Variants in FRY observed in about 807,000 individuals in gnomAD.
FRY encodes FRY microtubule binding protein, also known as protein furry homolog.
In FRY, 128 loss-of-function variants were observed where a neutral mutation model predicts 348.4. That is an observed-to-expected ratio of 0.37 (90% CI 0.32 to 0.43). The LOEUF (loss-of-function observed/expected upper bound fraction) is 0.43, where lower values mean the gene tolerates loss of function less well. Ranked by LOEUF, FRY falls within the 20% of genes least tolerant of loss-of-function variation. The pLI, the probability that FRY is intolerant of heterozygous loss-of-function variation, is 1.00. For synonymous variants in FRY, 1,370 were observed against 1,374.7 expected, an observed-to-expected ratio of 1.00 and a Z score of 0.08; for missense variants, 2,736 against 3,695.2, an observed-to-expected ratio of 0.74 and a Z score of 6.73.
chr13:32,095,811 G>A (rs1024795614), intron 2 of FRY, among the ~76,000 whole-genome samples: 2 of 152,112 alleles, frequency 1.3e-5, no homozygotes, highest in African/African-American at 4.8e-5. Flanking sequence ...AGATTTACAG[G>A]TCTCTTTTCT....
intron 60 of FRY, among the ~76,000 whole-genome samples, chr13:32,294,829 A>T (rs1889554619): frequency 6.6e-6 from 1 of 152,220 alleles, no homozygotes; most frequent in African/African-American, 2.4e-5. Context: ...TATAATTTTT[A>T]ACTAACATTT....
Position 32,224,370 on chromosome 13 carries a change from G to A in FRY, c.4901G>A (p.Arg1634Gln). 1 of 1,613,682 alleles carries A rather than the reference G, an allele frequency of 6.2e-7. No individual in the cohort carries two copies. Among genetic ancestry groups the A allele is most frequent in the Non-Finnish European group, 8.5e-7 (1 of 1,179,756 alleles). The change falls in exon 37 of 61, where the codon CGG becomes CAG. Residue 1634 changes from arginine (R) to glutamine (Q), a missense_variant. By Grantham distance (43) the Arg-to-Gln change is conservative (BLOSUM62 1). Around this residue, in one of 9 missense-constraint regions of FRY, gnomAD observed 794 missense variants for 977.0 expected, o/e 0.81. Transcript: ENST00000542859. ...VDYLPETITP[R>Q]GPLHRCNIAV... is the part of the protein sequence containing the mutation. ...TATCTCCCGGAGACCATCACTCCCC[G>A]GGGGCCACTCCACAGGTGAGCAGCA...
In FRY at chr13:32,288,337, GTTAA is replaced by G. The variant is rs1419810402; in HGVS notation, c.8470-1292_8470-1289del. Among the ~76,000 whole-genome samples the G allele has an allele frequency of 4.6e-5, 7 of 152,314 alleles. No homozygotes were observed. The East Asian group carries it at 9.6e-4, about 21-fold the overall frequency. On this transcript the variant is annotated intron_variant, in intron 58 of 60. Coordinates refer to ENST00000542859, the MANE Select transcript of FRY (RefSeq NM_023037.3). ...TAAAACAACCAAACATCCAGTTTGAGTTAATTAGTCAGTGTAGCTGCTTCTTTAA... is the reference window on the plus strand; with the variant it reads ...TAAAACAACCAAACATCCAGTTTGAGTTAGTCAGTGTAGCTGCTTCTTTAA...
At chr13:32,222,869 A>G (rs1273597515) in intron 36 of FRY, among the ~76,000 whole-genome samples, 1 of 152,178 alleles carries the variant, frequency 6.6e-6, no homozygotes, top group Non-Finnish European at 1.5e-5. Context: ...CGTCATCATC[A>G]CTGTGATTAT....
At chr13:32,107,310 T>C (rs752793724) in intron 3 of FRY, among the ~76,000 whole-genome samples, 1 of 151,960 alleles carries the variant, frequency 6.6e-6, no homozygotes, top group Non-Finnish European at 1.5e-5. Context: ...TGAGCTGAGA[T>C]TGCACCACTG....
At chr13:32,293,136 A>G (rs1321301871) in intron 59 of FRY, among the ~76,000 whole-genome samples, 2 of 152,218 alleles carry the variant, frequency 1.3e-5, no homozygotes, top group African/African-American at 2.4e-5. Flanking sequence ...CTAGAACTGA[A>G]TATTTCCAAG....
rs116091298 is a variant in FRY, at chr13:32,204,025, T to C, written c.4018+1498T>C. Among the ~76,000 whole-genome samples the C allele has an allele frequency of 4.2e-3, 634 of 152,326 alleles. 5 individuals are homozygous for C. The highest frequency in any genetic ancestry group is 0.014 in the African/African-American group (577 of 41,578). The stretch of plus-strand genomic sequence containing the variant: ...CAGCCTACATTTAGTGAGTGGATAG[T>C]AGGTACCAGCCTCCATGCTAGGTAC... On this transcript the variant is annotated intron_variant, in intron 31 of 60. Transcript: ENST00000542859.
intron 17 of FRY, among the ~76,000 whole-genome samples, chr13:32,167,494 T>C (rs926227776): frequency 3.8e-4 from 58 of 152,298 alleles, no homozygotes; most frequent in African/African-American, 1.2e-3. Flanking sequence ...GTGCCCTTCT[T>C]ATAAGGACAC....
intron 3 of FRY, among the ~76,000 whole-genome samples, chr13:32,110,653 G>A (rs974181998): frequency 2.6e-5 from 4 of 151,966 alleles, no homozygotes; most frequent in Non-Finnish European, 4.4e-5. Context: ...CCAGCTACAT[G>A]CAAATGCTTG....
chr13:32,145,286 G>A (rs572626759), intron 11 of FRY, among the ~76,000 whole-genome samples: 4 of 152,228 alleles, frequency 2.6e-5, no homozygotes, highest in South Asian at 2.1e-4. Flanking sequence ...GATAGACATC[G>A]GGGCAGGGAT....
chr13:32,224,217 G>T lies in FRY; in HGVS notation c.4766-18G>T, dbSNP rs1412859256. 1 of 1,612,354 alleles carries T rather than the reference G, an allele frequency of 6.2e-7. No homozygotes were observed. The highest frequency in any genetic ancestry group is 1.3e-5 in the African/African-American group (1 of 74,982). ...CTCTCCCTGAAAATAAAGCACAGTT[G>T]TCTTTCTCACCCTCCAGATGATCCA... is the stretch of plus-strand genomic sequence containing the variant. On this transcript the variant is annotated intron_variant, in intron 36 of 60. Transcript: ENST00000542859.
intron 33 of FRY, among the ~76,000 whole-genome samples, chr13:32,210,006 A>G (rs1833271640): frequency 1.3e-5 from 2 of 152,224 alleles, no homozygotes; most frequent in South Asian, 4.1e-4. Flanking sequence ...TCTAGCAGTT[A>G]CTGAAAGCTG....
At position 32,097,836 on chromosome 13, in the gene FRY, A is replaced by G. The variant is rs76720379; in HGVS notation, c.271-4127A>G. Among the ~76,000 whole-genome samples the G allele has an allele frequency of 3.3e-5, 5 of 152,174 alleles. No individual in the cohort carries two copies. In the East Asian group the frequency reaches 9.6e-4, roughly 29 times the overall value. On this transcript the variant is annotated intron_variant, in intron 2 of 60. Transcript: ENST00000542859. ...ACTAAAAGGAATCTTCATAAAATAG[A>G]TAATGATAATGTTTGAACAACATTT... is the stretch of plus-strand genomic sequence containing the variant.
chr13:32,146,346 G>GT (rs111858680), intron 11 of FRY, among the ~76,000 whole-genome samples: 22 of 151,804 alleles, frequency 1.4e-4, no homozygotes, highest in African/African-American at 4.1e-4. Flanking sequence ...TTTTGTTTCT[G>GT]TTTTTTTTGA....
rs1887971894 is a variant in FRY at position 32,267,275 on chromosome 13, G to T, written c.8052G>T (p.Trp2684Cys). ...CCTGTGACGATGCCGAGGAGGCCTG[G>T]CGCAGCCACATCAACCAGCTTATGT... ...PAACDDAEEA[W>C]RSHINQLMCD... Residue 2684 changes from tryptophan to cysteine, a missense_variant, in exon 55 of 61, where the codon TGG becomes TGT. Physicochemically the swap from Trp to Cys is radical, Grantham distance 215 (BLOSUM62 -2). This residue lies in a region of FRY where 789 missense variants were observed against 996.2 expected (regional missense o/e 0.79). Transcript: ENST00000542859. 1 of 1,614,062 alleles carries T rather than the reference G, an allele frequency of 6.2e-7. No individual in the cohort carries two copies.
intron 3 of FRY, 65 bp downstream of exon 3, chr13:32,102,081 G>A (rs191970160): frequency 7.8e-6 from 7 of 895,158 alleles, no homozygotes; most frequent in Admixed American, 1.7e-5. Context: ...GGCAAGGTCT[G>A]CATGCTCACT....
At chr13:32,224,411 A>C (rs1287206737) in intron 37 of FRY, 26 bp downstream of exon 37, 3 of 1,610,586 alleles carry the variant, frequency 1.9e-6, no homozygotes, top group Admixed American at 3.3e-5. Context: ...GGGGAGAAGG[A>C]AATCTTAGCT....
intron 26 of FRY, 104 bp downstream of exon 26, chr13:32,185,252 C>G: frequency 1.0e-6 from 1 of 963,380 alleles, no homozygotes; most frequent in East Asian, 2.4e-5. Context: ...TTATGCAGGT[C>G]TGGGATGGTG....
Position 32,135,108 on chromosome 13 carries a change from T to C in FRY, c.1002T>C (p.Val334=). 1 of 1,611,328 alleles carries C rather than the reference T, an allele frequency of 6.2e-7. No homozygotes were observed. Among genetic ancestry groups the C allele is most frequent in the Non-Finnish European group, 8.5e-7 (1 of 1,177,476 alleles). Residue 334 remains valine (V), a synonymous_variant, in exon 10 of 61, where the codon GTT becomes GTC. Coordinates refer to ENST00000542859, the MANE Select transcript of FRY (RefSeq NM_023037.3). ...VAAAVKNEVN[V]PCLRNFVESL... ...AGGCTGTTAAAAATGAAGTAAATGTTCCCTGCCTTAGAAATTTTGTGGAAA... is the reference window on the plus strand; with the variant it reads ...AGGCTGTTAAAAATGAAGTAAATGTCCCCTGCCTTAGAAATTTTGTGGAAA...
Sources: allele counts gnomAD v4.1 joint callset (sites outside exome capture counted in the v4.1 genomes callset), GRCh38; gene constraint gnomAD v4.1.1; regional missense constraint gnomAD v4.1.1; transcripts MANE v1.5; gene names NCBI Gene and HGNC (gene_info 2026-07-23, HGNC 2026-07-21).